The following WDR11 variants were observed in gnomAD, a reference collection of about 807,000 sequenced individuals.
The protein encoded by WDR11 is WD repeat domain 11, also known as WD repeat-containing protein 11.
A neutral mutation model predicts 151.2 loss-of-function variants in WDR11; 83 were observed. The ratio of observed to expected loss-of-function variants is 0.55; its 90% CI spans 0.46 to 0.66. WDR11 has a LOEUF of 0.66. Ranked by LOEUF, WDR11 falls within the 30% of genes least tolerant of loss-of-function variation. The pLI is 0.00. For synonymous variants in WDR11, 484 were observed against 533.1 expected (o/e 0.91, Z 1.27); for missense variants, 1,301 against 1,480.9 (o/e 0.88, Z 1.99).
intron 4 of WDR11, among the ~76,000 whole-genome samples, chr10:120,861,321 C>T (rs1055023127): frequency 6.6e-6 from 1 of 152,158 alleles, no homozygotes; most frequent in African/African-American, 2.4e-5. Flanking sequence ...TGTAAATACA[C>T]TACAGGGTGC....
intron 2 of WDR11, among the ~76,000 whole-genome samples, chr10:120,857,445 A>T (rs1455752270): frequency 1.3e-5 from 2 of 152,208 alleles, no homozygotes; most frequent in Non-Finnish European, 1.5e-5. Flanking sequence ...CTGTGTACAC[A>T]TATATACACT....
Position 120,904,162 on chromosome 10 carries a change from TC to T in WDR11, c.3027+21del. The T allele has an allele frequency of 1.3e-6, 2 of 1,520,698 alleles. No individual in the cohort carries two copies. Among genetic ancestry groups the T allele is most frequent in the Non-Finnish European group, 1.8e-6 (2 of 1,095,428 alleles). 94.2% of individuals were successfully genotyped at this position (1,520,698 alleles called of 1,614,324 possible). ...GGTCAAGTATGTCAGTTTTTATAAC[TC>T]TACATGCTTCATTAAATTGCTAGTT... On this transcript the variant is annotated intron_variant, in intron 24 of 28. Coordinates refer to ENST00000263461, the MANE Select transcript of WDR11 (RefSeq NM_018117.12).
At position 120,851,372 on chromosome 10, in the gene WDR11, C is replaced by A. The variant is rs1169576597; in HGVS notation, c.-49C>A. ...GTTTGGAACGGAAGCACAGTGTCCG[C>A]CGCTTCCTGGTTGCGGGTCAGCGCC... On this transcript the variant is annotated 5_prime_UTR_variant, in exon 1 of 29. Transcript: ENST00000263461. 4 of 1,546,294 alleles carry A rather than the reference C, an allele frequency of 2.6e-6. No individual in the cohort carries two copies. The African/African-American group carries it at 4.1e-5, about 16-fold the overall frequency.
chr10:120,863,913 A>G (rs1262599333), intron 5 of WDR11, among the ~76,000 whole-genome samples: 1 of 152,198 alleles, frequency 6.6e-6, no homozygotes, highest in Non-Finnish European at 1.5e-5. Flanking sequence ...ATTACTTCTT[A>G]AGTATCTTAA....
At chr10:120,888,429 C>T (rs1188143357) in intron 16 of WDR11, among the ~76,000 whole-genome samples, 2 of 152,214 alleles carry the variant, frequency 1.3e-5, no homozygotes, top group Non-Finnish European at 2.9e-5. Context: ...CATGATACCA[C>T]CTCTGAGCAT....
chr10:120,904,556 GTT>G (rs1847960204), intron 24 of WDR11, 88 bp from the exon 25 acceptor site: 1 of 1,505,942 alleles, frequency 6.6e-7, no homozygotes, highest in Non-Finnish European at 9.2e-7. Flanking sequence ...GAAAATGAGT[GTT>G]TTCCTTTAGT....
At position 120,888,956 on chromosome 10, in the gene WDR11, G is replaced by A. The variant is rs1160634648; in HGVS notation, c.2122-122G>A. The A allele has an allele frequency of 4.1e-6, 3 of 735,656 alleles. No homozygotes were observed. In the African/African-American group the frequency reaches 5.3e-5, roughly 13 times the overall value. The allele number at this position is 735,656 out of a possible 1,614,324, so 45.6% of individuals were successfully genotyped here. On this transcript the variant is annotated intron_variant, in intron 16 of 28. Coordinates refer to ENST00000263461, the MANE Select transcript of WDR11 (RefSeq NM_018117.12). Reference sequence around the variant, plus strand: ...TGTTAGTGTCTAAAGTCTGTTTTAGGATTTGATGACTAAAAGCATACTAAA... The same window carrying A: ...TGTTAGTGTCTAAAGTCTGTTTTAGAATTTGATGACTAAAAGCATACTAAA...
intron 11 of WDR11, among the ~76,000 whole-genome samples, chr10:120,875,641 A>C (rs7910091): frequency 0.047 from 7,204 of 152,132 alleles, 584 homozygotes; most frequent in African/African-American, 0.16. Context: ...AGTAGCTAGG[A>C]CTACAGGCAC....
intron 13 of WDR11, among the ~76,000 whole-genome samples, chr10:120,881,181 G>A (rs1373267846): frequency 6.6e-5 from 10 of 152,268 alleles, no homozygotes; most frequent in Middle Eastern, 3.4e-3. Flanking sequence ...TGGAGTTACT[G>A]AGTGAAAGAA....
intron 4 of WDR11, among the ~76,000 whole-genome samples, chr10:120,861,229 G>T (rs900890693): frequency 6.6e-6 from 1 of 152,154 alleles, no homozygotes; most frequent in Non-Finnish European, 1.5e-5. Context: ...TTATTGAGGG[G>T]TGTGTGTGTG....
chr10:120,893,769 T>C (rs1034286189), intron 19 of WDR11, among the ~76,000 whole-genome samples: 2 of 152,094 alleles, frequency 1.3e-5, no homozygotes, highest in African/African-American at 4.8e-5. Context: ...TGGCCAGTGA[T>C]GATGAGCATT....
Position 120,866,724 on chromosome 10 carries a change from G to A in WDR11, c.1150G>A (p.Glu384Lys), listed in dbSNP as rs764525560. ...GAGTGATGGCAGGGTCATGATATGG[G>A]AACTCAAGTCTGCAGTTTGTAATCG... ...VVSDGRVMIW[E>K]LKSAVCNRNS... is the part of the protein sequence containing the mutation. The change falls in exon 8 of 29, where the codon GAA becomes AAA. Residue 384 changes from glutamate to lysine, a missense_variant. Physicochemically the swap from Glu to Lys is moderately conservative, Grantham distance 56. Transcript: ENST00000263461. The A allele has an allele frequency of 6.2e-7, 1 of 1,614,182 alleles. No homozygotes were observed. The highest frequency in any genetic ancestry group is 1.3e-5 in the African/African-American group (1 of 75,056).
At chr10:120,862,585 G>C in intron 4 of WDR11, 150 bp from the exon 5 acceptor site, 1 of 808,890 alleles carries the variant, frequency 1.2e-6, no homozygotes, top group Non-Finnish European at 2.0e-6. Flanking sequence ...CTTCAACTTA[G>C]AGAACATTCC....
intron 27 of WDR11, 195 bp downstream of exon 27, chr10:120,906,216 G>A: frequency 6.8e-7 from 1 of 1,461,582 alleles, no homozygotes; most frequent in African/African-American, 1.4e-5. Context: ...TAGGAGCTAT[G>A]CTAGTTTCCT....
intron 11 of WDR11, among the ~76,000 whole-genome samples, chr10:120,877,303 A>G (rs760046706): frequency 1.6e-4 from 25 of 152,204 alleles, no homozygotes; most frequent in Non-Finnish European, 2.8e-4. Context: ...AAGATACTCC[A>G]TTTTTATATG....
chr10:120,896,046 C>G (rs1185923584), intron 19 of WDR11, among the ~76,000 whole-genome samples: 1 of 152,086 alleles, frequency 6.6e-6, no homozygotes, highest in Non-Finnish European at 1.5e-5. Flanking sequence ...TGAAAAAAGC[C>G]GAACTGCTTA....
At chr10:120,875,813 G>T (rs1846752703) in intron 11 of WDR11, among the ~76,000 whole-genome samples, 1 of 150,186 alleles carries the variant, frequency 6.7e-6, no homozygotes, top group South Asian at 2.1e-4. Flanking sequence ...CCAGTTTCCA[G>T]TTTTTTTTTA....
chr10:120,901,487 T>C (rs1418016827), intron 21 of WDR11, among the ~76,000 whole-genome samples: 1 of 152,186 alleles, frequency 6.6e-6, no homozygotes, highest in African/African-American at 2.4e-5. Context: ...AAATGAGTTC[T>C]CTGTGTCAGG....
intron 4 of WDR11, among the ~76,000 whole-genome samples, chr10:120,862,210 G>A (rs542409734): frequency 7.3e-5 from 11 of 150,728 alleles, no homozygotes; most frequent in South Asian, 6.3e-4. Flanking sequence ...GCACTATCTC[G>A]GCTCACTGCA....
Sources: allele counts gnomAD v4.1 joint callset (sites outside exome capture counted in the v4.1 genomes callset), GRCh38; gene constraint gnomAD v4.1.1; transcripts MANE v1.5; gene names NCBI Gene and HGNC (gene_info 2026-07-23, HGNC 2026-07-21).